Variants in DOCK2 observed in about 807,000 individuals in gnomAD.
DOCK2 encodes the protein dedicator of cytokinesis protein 2.
In DOCK2, 87 loss-of-function variants were observed where a neutral mutation model predicts 248.9. The ratio of observed to expected loss-of-function variants is 0.35; its 90% confidence interval spans 0.29 to 0.42. The LOEUF is 0.42. DOCK2 is among the 10% of genes least tolerant of loss of function. The pLI is 1.00. For missense variants in DOCK2, 1,747 were observed against 2,300.2 expected (o/e 0.76, Z 4.92); for synonymous variants, 805 against 821.6 (o/e 0.98, Z 0.35).
intron 1 of DOCK2, among the ~76,000 whole-genome samples, chr5:169,653,113 C>T (rs1370012654): frequency 1.3e-5 from 2 of 152,146 alleles, no homozygotes; most frequent in African/African-American, 4.8e-5. Flanking sequence ...AATAAGACTT[C>T]TCACTTGCAA....
intron 32 of DOCK2, among the ~76,000 whole-genome samples, chr5:170,012,064 G>C (rs1260738501): frequency 6.6e-6 from 1 of 152,226 alleles, no homozygotes; most frequent in Non-Finnish European, 1.5e-5. Context: ...ACGAGGCCAA[G>C]AGAAGCAGAA....
intron 27 of DOCK2, among the ~76,000 whole-genome samples, chr5:169,975,796 C>T (rs1299222313): frequency 6.6e-6 from 1 of 152,224 alleles, no homozygotes; most frequent in African/African-American, 2.4e-5. Flanking sequence ...GTTCCTGGCT[C>T]TTCCCAACGG....
At chr5:169,820,189 T>TCG (rs1413289982) in intron 26 of DOCK2, among the ~76,000 whole-genome samples, 2 of 152,192 alleles carry the variant, frequency 1.3e-5, no homozygotes, top group East Asian at 3.9e-4. Context: ...ACTGCACCTC[T>TCG]GGGGGCAAGG....
intron 36 of DOCK2, among the ~76,000 whole-genome samples, chr5:170,039,954 C>T (rs1756459136): frequency 6.6e-6 from 1 of 152,204 alleles, no homozygotes; most frequent in Non-Finnish European, 1.5e-5. Flanking sequence ...TGCAGTGGTT[C>T]ATTGCCTCTG....
At chr5:169,806,695 G>A (rs1767384021) in intron 26 of DOCK2, among the ~76,000 whole-genome samples, 1 of 152,086 alleles carries the variant, frequency 6.6e-6, no homozygotes, top group Admixed American at 6.5e-5. Context: ...CCTTTGAGTG[G>A]TGTCTTCCCT....
intron 27 of DOCK2, among the ~76,000 whole-genome samples, chr5:169,890,214 T>C (rs1773204413): frequency 6.6e-6 from 1 of 152,234 alleles, no homozygotes. Context: ...CTTTATGTGT[T>C]AGTCCTGTTT....
In DOCK2 at chr5:170,044,564, C is replaced by A. The variant is rs13356008; in HGVS notation, c.3877-1252C>A. 2.0e-5 allele frequency among the ~76,000 whole-genome samples: 3 copies of A among 152,236 alleles called. No homozygotes were observed. In the East Asian group the frequency reaches 5.8e-4, roughly 29 times the overall value. ...AAGACCTATACTTGAGCCCAACAGT[C>A]CCCTGGCCCAGCCCAGGGGGATTAC... is the stretch of plus-strand genomic sequence containing the variant. On this transcript the variant is annotated intron_variant, in intron 38 of 51. Transcript: ENST00000520908.
intron 29 of DOCK2, among the ~76,000 whole-genome samples, chr5:169,994,099 G>C (rs774914763): frequency 6.6e-6 from 1 of 152,112 alleles, no homozygotes; most frequent in East Asian, 1.9e-4. Context: ...GGTGTAGGGA[G>C]GGCAGGTGGC....
In DOCK2 at chr5:169,803,069, A is replaced by G; in HGVS notation, c.2566A>G (p.Ile856Val). 1 of 1,614,198 alleles carries G rather than the reference A, an allele frequency of 6.2e-7. No homozygotes were observed. Among genetic ancestry groups the G allele is most frequent in the African/African-American group, 1.3e-5 (1 of 75,074 alleles). ...TGTCTTTATTCCAGAATGCCGGGAC[A>G]TTCTGCTTCCTGTCATCACCAAAGA... is the stretch of plus-strand genomic sequence containing the variant. ...NLFKKQECRDILLPVITKELK... is the reference protein window; with the variant it reads ...NLFKKQECRDVLLPVITKELK... The change falls in exon 26 of 52, where the codon ATT (isoleucine) becomes GTT (valine). Residue 856 changes from isoleucine to valine, a missense_variant. Physicochemically the swap from Ile to Val is conservative, Grantham distance 29. This residue lies in a region of DOCK2 where 858 missense variants were observed against 1,183.5 expected (regional missense o/e 0.72). Transcript: ENST00000520908.
intron 27 of DOCK2, among the ~76,000 whole-genome samples, chr5:169,879,299 T>G (rs1317675233): frequency 6.6e-6 from 1 of 152,044 alleles, no homozygotes; most frequent in Non-Finnish European, 1.5e-5. Flanking sequence ...TCACATCACT[T>G]ATTCATTCGT....
chr5:169,861,078 C>T (rs924642719), intron 27 of DOCK2, among the ~76,000 whole-genome samples: 1 of 152,180 alleles, frequency 6.6e-6, no homozygotes, highest in Non-Finnish European at 1.5e-5. Context: ...AGGCTGGGAG[C>T]AGCTCTCCAT....
intron 30 of DOCK2, among the ~76,000 whole-genome samples, chr5:169,996,695 C>G (rs1754648975): frequency 6.6e-6 from 1 of 152,192 alleles, no homozygotes; most frequent in Non-Finnish European, 1.5e-5. Context: ...CCAAGAAGCA[C>G]AAACTCTGTG....
chr5:170,000,166 T>C (rs1754784000), intron 30 of DOCK2: 1 of 152,224 alleles, frequency 6.6e-6, no homozygotes. Flanking sequence ...TATTGCAACA[T>C]GCTTCAAGGA....
chr5:169,737,899 C>A (rs944883324), intron 22 of DOCK2, among the ~76,000 whole-genome samples: 1 of 152,090 alleles, frequency 6.6e-6, no homozygotes, highest in African/African-American at 2.4e-5. Context: ...TTAATCAAAC[C>A]CGAGGAGGGA....
chr5:169,647,916 A>C (rs912430191), intron 1 of DOCK2, among the ~76,000 whole-genome samples: 13 of 152,184 alleles, frequency 8.5e-5, no homozygotes, highest in Admixed American at 7.9e-4. Context: ...TCAGGAGAGC[A>C]GGAGCCACCC....
chr5:170,055,391 G>A lies in DOCK2; in HGVS notation c.4295+5G>A, dbSNP rs1416244268. ...AGTGCCTGACCAGATTATAAAGTAA[G>A]ACTCGTTGTCCACAGGGAAGAAGGA... On this transcript the variant is annotated splice_donor_5th_base_variant and intron_variant, in intron 42 of 51. Coordinates refer to ENST00000520908, the MANE Select transcript of DOCK2 (RefSeq NM_004946.3). 6.2e-7 allele frequency: 1 copy of A among 1,613,716 alleles called. No individual in the cohort carries two copies. The highest frequency in any genetic ancestry group is 8.5e-7 in the Non-Finnish European group (1 of 1,179,754).
At chr5:169,698,513 G>A (rs1760767016) in intron 11 of DOCK2, 64 bp downstream of exon 11, 1 of 1,560,152 alleles carries the variant, frequency 6.4e-7, no homozygotes, top group Non-Finnish European at 8.8e-7. Flanking sequence ...AGGGCTGCTG[G>A]AGCTCAGAGG....
intron 2 of DOCK2, among the ~76,000 whole-genome samples, chr5:169,656,555 C>T (rs928450108): frequency 6.6e-6 from 1 of 152,134 alleles, no homozygotes; most frequent in Non-Finnish European, 1.5e-5. Context: ...CTAGGTGATT[C>T]GTGCACCTCG....
chr5:169,758,234 C>A (rs1764297245), intron 23 of DOCK2, among the ~76,000 whole-genome samples: 1 of 152,140 alleles, frequency 6.6e-6, no homozygotes, highest in Non-Finnish European at 1.5e-5. Context: ...CAGTTAACTA[C>A]AAAAAGCAAG....
Sources: allele counts gnomAD v4.1 joint callset (sites outside exome capture counted in the v4.1 genomes callset), GRCh38; gene constraint gnomAD v4.1.1; regional missense constraint gnomAD v4.1.1; transcripts MANE v1.5; gene names NCBI Gene and HGNC (gene_info 2026-07-23, HGNC 2026-07-21).